The following FGD6 variants were observed in gnomAD, a reference collection of about 807,000 sequenced individuals.
FGD6 encodes the protein FYVE, RhoGEF and PH domain containing 6.
A neutral mutation model predicts 149.4 loss-of-function variants in FGD6; 90 were observed. That is an observed-to-expected ratio of 0.60 (90% CI 0.51 to 0.72). The LOEUF (loss-of-function observed/expected upper bound fraction) is 0.72, where lower values mean the gene tolerates loss of function less well. FGD6 is among the 30% of genes least tolerant of loss of function. The probability of loss-of-function intolerance (pLI) is 0.00; values close to 1 mark genes in which losing one functional copy is unlikely to be tolerated. For synonymous variants in FGD6, 527 were observed against 584.0 expected (o/e 0.90, Z 1.41); for missense variants, 1,437 against 1,684.8 (o/e 0.85, Z 2.57).
intron 20 of FGD6, 137 bp from the exon 21 acceptor site, chr12:95,081,693 T>C: frequency 2.9e-6 from 1 of 347,916 alleles, no homozygotes; most frequent in East Asian, 4.6e-5. Flanking sequence ...GTATTTTTTT[T>C]TTTTTTTTGA....
intron 14 of FGD6, 140 bp downstream of exon 14, chr12:95,104,867 T>C: frequency 4.6e-6 from 3 of 648,138 alleles, no homozygotes; most frequent in Non-Finnish European, 5.2e-6. Context: ...GAGCCGTGAT[T>C]GTGCCACTGC....
At chr12:95,136,116 T>C (rs1592847044) in intron 7 of FGD6, among the ~76,000 whole-genome samples, 1 of 152,164 alleles carries the variant, frequency 6.6e-6, no homozygotes, top group Admixed American at 6.5e-5. Context: ...TCCCAGCACT[T>C]TGAGAGGCCA....
rs919933933 is a variant in FGD6, at chr12:95,158,246, C to T, written c.2587-5253G>A. On this transcript the variant is annotated intron_variant, in intron 3 of 20. Coordinates refer to ENST00000343958, the MANE Select transcript of FGD6 (RefSeq NM_018351.4). ...GCAGTGGCGTGATCTTGGCTCACTG[C>T]AATCTCCGCCTCTTGGGTTCAAGCG... Among the ~76,000 whole-genome samples, 7 of 145,520 alleles carry T rather than the reference C, an allele frequency of 4.8e-5. No individual in the cohort carries two copies. The East Asian group carries it at 8.3e-4, about 17-fold the overall frequency.
At chr12:95,182,918 G>C (rs930890499) in intron 2 of FGD6, among the ~76,000 whole-genome samples, 3 of 152,210 alleles carry the variant, frequency 2.0e-5, no homozygotes, top group African/African-American at 7.2e-5. Flanking sequence ...CTTTGTCCTG[G>C]TGTCAGCTGT....
intron 3 of FGD6, among the ~76,000 whole-genome samples, chr12:95,153,928 TGTGTGTGTGTGTGTGTGTGA>T (rs1473359019): frequency 1.6e-5 from 2 of 128,552 alleles, no homozygotes; most frequent in South Asian, 2.3e-4. Context: ...TGTGTGTGTG[TGTGTGTGTGTGTGTGTGTGA>T]GTGAGAGAGA....
At chr12:95,208,594 A>G (rs1396432716) in intron 2 of FGD6, among the ~76,000 whole-genome samples, 4 of 152,204 alleles carry the variant, frequency 2.6e-5, no homozygotes, top group African/African-American at 9.7e-5. Flanking sequence ...TCCTTGCAGC[A>G]GCACCTACAT....
chr12:95,187,236 CA>C, intron 2 of FGD6, among the ~76,000 whole-genome samples: 1 of 150,948 alleles, frequency 6.6e-6, no homozygotes, highest in East Asian at 2.0e-4. Context: ...AAGGCTGAGG[CA>C]GGAGAATGGC....
intron 9 of FGD6, among the ~76,000 whole-genome samples, chr12:95,109,476 C>T (rs1425669478): frequency 6.6e-6 from 1 of 152,062 alleles, no homozygotes; most frequent in African/African-American, 2.4e-5. Flanking sequence ...AGTAGCATTC[C>T]CACTGAGAAA....
intron 2 of FGD6, among the ~76,000 whole-genome samples, chr12:95,196,064 G>A (rs565100133): frequency 5.1e-4 from 77 of 152,186 alleles, no homozygotes; most frequent in African/African-American, 1.8e-3. Flanking sequence ...AGGTTGCAGC[G>A]AGCTTGAGAT....
intron 5 of FGD6, among the ~76,000 whole-genome samples, chr12:95,149,408 T>C (rs1880222526): frequency 8.2e-6 from 1 of 122,400 alleles, no homozygotes; most frequent in African/African-American, 3.1e-5. Flanking sequence ...TTACATAATA[T>C]ATAGCATACT....
At chr12:95,165,805 T>G (rs951850654) in intron 3 of FGD6, among the ~76,000 whole-genome samples, 2 of 151,744 alleles carry the variant, frequency 1.3e-5, no homozygotes, top group Non-Finnish European at 2.9e-5. Context: ...ACCTGGCTAA[T>G]TTTTTGTGTC....
chr12:95,173,657 G>C (rs936488537), intron 2 of FGD6, among the ~76,000 whole-genome samples: 1 of 152,120 alleles, frequency 6.6e-6, no homozygotes, highest in African/African-American at 2.4e-5. Context: ...AAAGATTCAG[G>C]AGCCAATTGC....
chr12:95,125,933 T>C, intron 8 of FGD6: 1 of 1,455,684 alleles, frequency 6.9e-7, no homozygotes, highest in Non-Finnish European at 9.6e-7. Context: ...TGCAGCTCAC[T>C]GATTTCATCC....
At chr12:95,170,364 G>A (rs1057412833) in intron 3 of FGD6, among the ~76,000 whole-genome samples, 10 of 152,260 alleles carry the variant, frequency 6.6e-5, no homozygotes, top group Middle Eastern at 3.4e-3. Flanking sequence ...GGCTAGGCCG[G>A]GCAGGGTGGC....
rs149851774 is a variant in FGD6, at chr12:95,141,427, C to T, written c.2798G>A (p.Arg933Gln). Residue 933 changes from arginine (R) to glutamine (Q), a missense_variant, in exon 6 of 21, where the codon CGG (arginine) becomes CAG (glutamine). Arg to Gln is a conservative substitution (Grantham distance 43, BLOSUM62 1). Transcript: ENST00000343958. ...YYLPQLYELN[R>Q]DLLKELEERM... ...TTCCTCCAGTTCCTTCAAGAGATCCCGGTTGAGCTCATACAGCTGAGGCAA... is the reference window on the plus strand; with the variant it reads ...TTCCTCCAGTTCCTTCAAGAGATCCTGGTTGAGCTCATACAGCTGAGGCAA... The T allele has an allele frequency of 8.1e-6, 13 of 1,614,074 alleles. No individual in the cohort carries two copies. Among genetic ancestry groups the T allele is most frequent in the East Asian group, 2.2e-5 (1 of 44,874 alleles).
intron 5 of FGD6, among the ~76,000 whole-genome samples, chr12:95,150,580 G>T (rs946340373): frequency 1.3e-5 from 2 of 151,854 alleles, no homozygotes; most frequent in African/African-American, 4.8e-5. Context: ...CAGTAAGCTT[G>T]CCACTCAATA....
intron 3 of FGD6, among the ~76,000 whole-genome samples, chr12:95,158,707 A>G (rs1450242638): frequency 6.6e-6 from 1 of 152,168 alleles, no homozygotes; most frequent in Non-Finnish European, 1.5e-5. Flanking sequence ...TAATGTTTAC[A>G]AAATACAGTG....
chr12:95,204,509 C>A (rs557136706), intron 2 of FGD6, among the ~76,000 whole-genome samples: 1 of 152,164 alleles, frequency 6.6e-6, no homozygotes, highest in Non-Finnish European at 1.5e-5. Flanking sequence ...TCCCCCTTAT[C>A]ACTCCTGACG....
intron 5 of FGD6, among the ~76,000 whole-genome samples, chr12:95,152,469 C>A (rs1347357084): frequency 1.3e-5 from 2 of 152,142 alleles, no homozygotes; most frequent in Non-Finnish European, 2.9e-5. Context: ...TATTTCAAAT[C>A]TGTTTCTGGG....
Sources: allele counts gnomAD v4.1 joint callset (sites outside exome capture counted in the v4.1 genomes callset), GRCh38; gene constraint gnomAD v4.1.1; transcripts MANE v1.5; gene names NCBI Gene and HGNC (gene_info 2026-07-23, HGNC 2026-07-21).